The following B3GAT1 variants were observed in gnomAD, a reference collection of about 807,000 sequenced individuals.
B3GAT1 encodes the protein beta-1,3-glucuronyltransferase 1.
Under a neutral mutation model 28.4 loss-of-function variants are expected in B3GAT1, and 11 were observed. That is an observed-to-expected ratio of 0.39 (90% confidence interval 0.24 to 0.64). B3GAT1 has a LOEUF of 0.64. B3GAT1 is among the 30% of genes least tolerant of loss of function. The probability of loss-of-function intolerance (pLI) is 0.50; values close to 1 mark genes in which losing one functional copy is unlikely to be tolerated. For missense variants in B3GAT1, 375 were observed against 491.0 expected, an observed-to-expected ratio of 0.76 and a Z score of 2.23; for synonymous variants, 255 against 223.1, an observed-to-expected ratio of 1.14 and a Z score of -1.27.
chr11:134,402,860 C>G (rs2136333649), intron 1 of B3GAT1, among the ~76,000 whole-genome samples: 1 of 151,256 alleles, frequency 6.6e-6, no homozygotes, highest in East Asian at 2.0e-4. Context: ...TTGCAGTGAG[C>G]TGAGATTGCG....
chr11:134,381,700 A>G (rs61908686), intron 5 of B3GAT1: 54,505 of 538,904 alleles, frequency 0.1, 3,610 homozygotes, highest in Non-Finnish European at 0.13. Context: ...CCCTCTGAAG[A>G]GTCTGGTGGC....
Position 134,393,526 on chromosome 11 carries a change from A to G in B3GAT1, c.-281-5586T>C, listed in dbSNP as rs1457113285. On this transcript the variant is annotated intron_variant, in intron 1 of 5. Coordinates refer to ENST00000312527, the MANE Select transcript of B3GAT1 (RefSeq NM_054025.3). The surrounding 1 kb of genome is among the most constrained non-coding windows in gnomAD (Gnocchi z 4.0). ...GAGCAGTCTGAGTGTAGCACCCTTT[A>G]GAATATGACTTTTCCCTGCCAGCCT... Among the ~76,000 whole-genome samples the G allele has an allele frequency of 2.6e-5, 4 of 152,336 alleles. No homozygotes were observed. In the East Asian group the frequency reaches 7.7e-4, roughly 29 times the overall value.
intron 1 of B3GAT1, chr11:134,391,968 C>T (rs1944419396): frequency 2.0e-5 from 3 of 152,396 alleles, no homozygotes; most frequent in African/African-American, 7.2e-5. Context: ...CTGGACGTGT[C>T]CGGCAGGTGC....
rs1432087783 is a variant in B3GAT1, at chr11:134,384,079, C to A, written c.222G>T (p.Thr74=). The change falls in exon 3 of 6, where the codon ACG becomes ACT. Residue 74 remains threonine, a synonymous_variant. Transcript: ENST00000312527. ...VEVVRTEYVY[T]RPPPWSDTLP... ...GCGTGTCGGACCATGGCGGGGGCCG[C>A]GTGTACACGTACTCGGTGCGCACCA... 2 of 1,601,538 alleles carry A rather than the reference C, an allele frequency of 1.2e-6. No homozygotes were observed.
chr11:134,395,311 C>A (rs1291373576), intron 1 of B3GAT1, among the ~76,000 whole-genome samples: 1 of 152,210 alleles, frequency 6.6e-6, no homozygotes, highest in African/African-American at 2.4e-5. Context: ...CTGAAGGAAG[C>A]AAACCTGATA....
rs1001170365 is a variant in B3GAT1 at position 134,382,705 on chromosome 11, C to A, written c.918+5G>T. On this transcript the variant is annotated splice_donor_5th_base_variant and intron_variant, in intron 4 of 5. Coordinates refer to ENST00000312527, the MANE Select transcript of B3GAT1 (RefSeq NM_054025.3). Reference sequence around the variant, plus strand: ...CACAGCTGTCAGTTCTGCGGAGGGTCTCACCTTGGTGCAGTTGGCTGCCTT... The same window carrying A: ...CACAGCTGTCAGTTCTGCGGAGGGTATCACCTTGGTGCAGTTGGCTGCCTT... 6.2e-7 allele frequency: 1 copy of A among 1,610,842 alleles called. No homozygotes were observed. The highest frequency in any genetic ancestry group is 8.5e-7 in the Non-Finnish European group (1 of 1,177,580).
chr11:134,388,125 A>G (rs1255630252), intron 1 of B3GAT1, 185 bp from the exon 2 acceptor site: 14 of 357,074 alleles, frequency 3.9e-5, no homozygotes, highest in Non-Finnish European at 7.8e-5. Context: ...TCCCACAGGC[A>G]CAGGGCCATG....
intron 5 of B3GAT1, 197 bp downstream of exon 5, chr11:134,381,727 G>A (rs939797525): frequency 2.1e-5 from 12 of 570,634 alleles, no homozygotes; most frequent in South Asian, 4.4e-5. Flanking sequence ...ACCCAGCTGC[G>A]TGGGTGAAAG....
At chr11:134,403,989 A>C (rs1251367523) in intron 1 of B3GAT1, among the ~76,000 whole-genome samples, 4 of 40,368 alleles carry the variant, frequency 9.9e-5, no homozygotes, top group Non-Finnish European at 2.2e-4. Context: ...TTCTTTATAT[A>C]TATATATATA....
intron 1 of B3GAT1, among the ~76,000 whole-genome samples, chr11:134,402,322 C>G (rs896416791): frequency 6.6e-6 from 1 of 152,208 alleles, no homozygotes; most frequent in Non-Finnish European, 1.5e-5. Flanking sequence ...GAAAGGCACT[C>G]AGGAAGGACC....
chr11:134,395,380 G>T (rs1042115667), intron 1 of B3GAT1, among the ~76,000 whole-genome samples: 1 of 152,084 alleles, frequency 6.6e-6, no homozygotes, highest in Admixed American at 6.5e-5. Flanking sequence ...CCAGAGAGGA[G>T]CCATCCCACA....
At chr11:134,395,702 C>T (rs1161437151) in intron 1 of B3GAT1, among the ~76,000 whole-genome samples, 1 of 152,074 alleles carries the variant, frequency 6.6e-6, no homozygotes, top group Admixed American at 6.5e-5. Flanking sequence ...TTGCCCTAGG[C>T]CCATTCTAAA....
Position 134,387,560 on chromosome 11 carries a change from C to G in B3GAT1, c.100G>C (p.Ala34Pro), listed in dbSNP as rs746141520. The change falls in exon 2 of 6, where the codon GCG becomes CCG. Residue 34 changes from alanine to proline, a missense_variant. By Grantham distance (27) the Ala-to-Pro change is conservative. Coordinates refer to ENST00000312527, the MANE Select transcript of B3GAT1 (RefSeq NM_054025.3). ...WHQSTLAPLL[A>P]VHKDEGSDPR... ...CGTGCGTGCTCACCCTTATGTACCG[C>G]GAGCAGGGGTGCGAGGGTGCTCTGG... 6.2e-7 allele frequency: 1 copy of G among 1,613,902 alleles called. No individual in the cohort carries two copies. The highest frequency in any genetic ancestry group is 8.5e-7 in the Non-Finnish European group (1 of 1,180,048).
rs570492425 is a variant in B3GAT1, at chr11:134,404,459, T to A, written c.-282+7348A>T. On this transcript the variant is annotated intron_variant, in intron 1 of 5. Transcript: ENST00000312527. ...AGTTTTATGTTATGTGTTTTTTAAA[T>A]AACAATGAAAACGAGTCTGTCATTC... Among the ~76,000 whole-genome samples the A allele has an allele frequency of 2.0e-5, 3 of 152,252 alleles. No individual in the cohort carries two copies. The East Asian group carries it at 5.8e-4, about 29-fold the overall frequency.
chr11:134,409,425 G>C (rs1365776786), intron 1 of B3GAT1, among the ~76,000 whole-genome samples: 3 of 152,210 alleles, frequency 2.0e-5, no homozygotes, highest in Non-Finnish European at 4.4e-5. Context: ...GGCTGGGGCA[G>C]GGCCAGAAGA....
chr11:134,396,476 C>G (rs1944507092), intron 1 of B3GAT1, among the ~76,000 whole-genome samples: 1 of 152,188 alleles, frequency 6.6e-6, no homozygotes, highest in Admixed American at 6.5e-5. Flanking sequence ...GTTCTGAACC[C>G]CACAGCCAGA....
rs1403882704 is a variant in B3GAT1, at chr11:134,411,180, G to A, written c.-282+627C>T. Among the ~76,000 whole-genome samples the A allele has an allele frequency of 6.6e-6, 1 of 152,128 alleles. No homozygotes were observed. The highest frequency in any genetic ancestry group is 1.5e-5 in the Non-Finnish European group (1 of 68,018). ...AGCCTCCTTTTTCTGGAAGTTGTGT[G>A]CTCTGACTTTGGAGGGATTGGGACC... On this transcript the variant is annotated intron_variant, in intron 1 of 5. Transcript: ENST00000312527. This position sits in a 1 kb window ranked among gnomAD's most constrained non-coding sequence, Gnocchi z 6.0.
rs918281721 is a variant in B3GAT1, at chr11:134,387,724, G to A, written c.-65C>T. 1.1e-5 allele frequency: 18 copies of A among 1,600,898 alleles called. No homozygotes were observed. Among genetic ancestry groups the A allele is most frequent in the South Asian group, 4.5e-5 (4 of 89,438 alleles). On this transcript the variant is annotated 5_prime_UTR_variant, in exon 2 of 6. Coordinates refer to ENST00000312527, the MANE Select transcript of B3GAT1 (RefSeq NM_054025.3). ...GTGGCGGTAAGTTCAGGAGAGGGGC[G>A]GCCACGGGCGGCGGCAGCACAGGGG...
At position 134,390,425 on chromosome 11, in the gene B3GAT1, G is replaced by T. The variant is rs182417607; in HGVS notation, c.-281-2485C>A. 2.0e-5 allele frequency: 3 copies of T among 152,410 alleles called. No homozygotes were observed. The East Asian group carries it at 5.8e-4, about 29-fold the overall frequency. The allele number at this position is 152,410 out of a possible 1,614,324, so 9.4% of individuals were successfully genotyped here. ...GGAAGATTTCTTCTGTGTTCTCAGA[G>T]ACTCTCGAAGGAGCTTTCTCAAGTG... On this transcript the variant is annotated intron_variant, in intron 1 of 5. Coordinates refer to ENST00000312527, the MANE Select transcript of B3GAT1 (RefSeq NM_054025.3).
Sources: allele counts gnomAD v4.1 joint callset (sites outside exome capture counted in the v4.1 genomes callset), GRCh38; gene constraint gnomAD v4.1.1; non-coding constraint Gnocchi (gnomAD v3.1); transcripts MANE v1.5; gene names NCBI Gene and HGNC (gene_info 2026-07-23, HGNC 2026-07-21).